The following DPH6 variants were observed in gnomAD, a reference collection of about 807,000 sequenced individuals.
DPH6 encodes the protein diphthamine biosynthesis 6.
In DPH6, 33 loss-of-function variants were observed where a neutral mutation model predicts 38.2. The observed-to-expected ratio is 0.86, with a 90% CI of 0.65 to 1.15. The LOEUF (loss-of-function observed/expected upper bound fraction) is 1.15, where lower values mean the gene tolerates loss of function less well. Ranked by LOEUF, DPH6 falls within the 50% of genes most tolerant of loss-of-function variation. DPH6 has a pLI of 0.00. For synonymous variants in DPH6, 108 were observed against 103.0 expected (o/e 1.05, Z -0.30); for missense variants, 325 against 320.0 (o/e 1.02, Z -0.12).
chr15:35,358,054 G>T (rs2052581647), intron 3 of DPH6, among the ~76,000 whole-genome samples: 1 of 151,878 alleles, frequency 6.6e-6, no homozygotes, highest in Admixed American at 6.6e-5. Context: ...TGTAATCCCA[G>T]GCTTCTTGGA....
At chr15:35,519,836 T>G (rs1391318278) in intron 3 of DPH6, 1 of 152,076 alleles carries the variant, frequency 6.6e-6, no homozygotes, top group Non-Finnish European at 1.5e-5. Context: ...CTACTAAGCC[T>G]GATATAAAGG....
At chr15:35,146,513 A>C in the DPH6 span, among the ~76,000 whole-genome samples, 1 of 152,182 alleles carries the variant, frequency 6.6e-6, no homozygotes, top group Non-Finnish European at 1.5e-5. Context: ...AGGGAGAAGA[A>C]AATTGATATG....
intron 6 of DPH6, among the ~76,000 whole-genome samples, chr15:35,386,791 T>C (rs2052966343): frequency 6.6e-6 from 1 of 152,232 alleles, no homozygotes; most frequent in Non-Finnish European, 1.5e-5. Flanking sequence ...TTTTGTAGGT[T>C]GCCTGTTCAC....
Position 35,401,918 on chromosome 15 carries a change from A to C in DPH6, c.567+8917T>G, listed in dbSNP as rs1412542173. 1.2e-5 allele frequency: 5 copies of C among 417,626 alleles called. No homozygotes were observed. The Admixed American group carries it at 1.6e-4, about 14-fold the overall frequency. 25.9% of individuals were successfully genotyped at this position (417,626 alleles called of 1,614,324 possible). A position where few individuals can be genotyped will look rare whatever the true frequency, so the allele number is the denominator to read the frequency against. On this transcript the variant is annotated intron_variant, in intron 6 of 8. Transcript: ENST00000256538. ...GAAGACATGCTTTAGACAAATACTC[A>C]TGTGTATGGGCAAAAGACTCAAGGA...
intron 5 of DPH6, among the ~76,000 whole-genome samples, chr15:35,416,802 A>G (rs544082655): frequency 3.3e-5 from 5 of 152,200 alleles, no homozygotes; most frequent in African/African-American, 1.2e-4. Context: ...CAGACTGTTC[A>G]TAGAATATAT....
At chr15:35,506,435 G>T (rs1295307340) in intron 3 of DPH6, among the ~76,000 whole-genome samples, 1 of 152,092 alleles carries the variant, frequency 6.6e-6, no homozygotes, top group Non-Finnish European at 1.5e-5. Context: ...GATTTCTGGG[G>T]AAGGGAAACA....
the DPH6 span, among the ~76,000 whole-genome samples, chr15:35,184,252 A>G: frequency 6.6e-6 from 1 of 152,234 alleles, no homozygotes; most frequent in African/African-American, 2.4e-5. Flanking sequence ...AGTCTGATAG[A>G]CAGGATGCTT....
chr15:35,195,824 C>T, the DPH6 span, among the ~76,000 whole-genome samples: 2 of 151,862 alleles, frequency 1.3e-5, no homozygotes, highest in Non-Finnish European at 2.9e-5. Flanking sequence ...GCCCTACCTC[C>T]TGGGTGCTGC....
intron 3 of DPH6, among the ~76,000 whole-genome samples, chr15:35,473,679 A>G (rs960405378): frequency 6.6e-6 from 1 of 152,228 alleles, no homozygotes; most frequent in Non-Finnish European, 1.5e-5. Flanking sequence ...TCCACCTAAA[A>G]ACTTATAGAT....
chr15:35,361,053 C>T (rs573266576), intron 3 of DPH6, among the ~76,000 whole-genome samples: 5 of 152,288 alleles, frequency 3.3e-5, no homozygotes, highest in Non-Finnish European at 4.4e-5. Flanking sequence ...CTGATTCCTC[C>T]CATGTGCCCT....
At chr15:35,303,487 T>A (rs1004541340) in intron 3 of DPH6, among the ~76,000 whole-genome samples, 2 of 151,916 alleles carry the variant, frequency 1.3e-5, no homozygotes, top group East Asian at 3.9e-4. Flanking sequence ...TCCTTAAACC[T>A]TTAAAGAAAT....
At chr15:35,158,529 T>C in the DPH6 span, among the ~76,000 whole-genome samples, 1 of 152,080 alleles carries the variant, frequency 6.6e-6, no homozygotes, top group Non-Finnish European at 1.5e-5. Flanking sequence ...ATTATTTCTC[T>C]ACAGCTTATG....
intron 5 of DPH6, among the ~76,000 whole-genome samples, chr15:35,443,423 C>T (rs564995176): frequency 1.3e-5 from 2 of 152,256 alleles, no homozygotes; most frequent in African/African-American, 4.8e-5. Flanking sequence ...TATAATCTTG[C>T]AAGTAATTTC....
At chr15:35,407,135 A>T (rs1480667872) in intron 6 of DPH6, among the ~76,000 whole-genome samples, 1 of 152,048 alleles carries the variant, frequency 6.6e-6, no homozygotes, top group Non-Finnish European at 1.5e-5. Flanking sequence ...AGTGGTATTG[A>T]GAAACTAGAA....
chr15:35,366,253 TG>T (rs2052658266), downstream of DPH6, among the ~76,000 whole-genome samples: 2 of 151,284 alleles, frequency 1.3e-5, no homozygotes, highest in African/African-American at 2.4e-5. Flanking sequence ...TGTGTGTGTG[TG>T]TGTGTGTGTA....
downstream of DPH6, among the ~76,000 whole-genome samples, chr15:35,213,562 T>C (rs1242775328): frequency 1.3e-5 from 2 of 152,122 alleles, no homozygotes; most frequent in Non-Finnish European, 2.9e-5. Flanking sequence ...GAAAAAAAGG[T>C]CTAAGAATAT....
At chr15:35,363,965 T>C (rs537946030) in intron 3 of DPH6, among the ~76,000 whole-genome samples, 3 of 152,164 alleles carry the variant, frequency 2.0e-5, no homozygotes, top group South Asian at 2.1e-4. Flanking sequence ...TAATTCTATG[T>C]AGATTTTAAA....
chr15:35,523,393 T>C (rs1449325473), intron 3 of DPH6, among the ~76,000 whole-genome samples: 1 of 151,832 alleles, frequency 6.6e-6, no homozygotes, highest in Non-Finnish European at 1.5e-5. Context: ...ATCCCACCAA[T>C]AAGAGATTAT....
At chr15:35,396,700 G>C (rs926207999) in intron 6 of DPH6, among the ~76,000 whole-genome samples, 4 of 151,972 alleles carry the variant, frequency 2.6e-5, no homozygotes, top group Admixed American at 2.6e-4. Flanking sequence ...AATAGCCATT[G>C]GATGTCTCAA....
Sources: gnomAD v4.1 joint callset for allele counts (sites outside exome capture counted in the v4.1 genomes callset) on GRCh38, gnomAD v4.1.1 for gene constraint, MANE v1.5 for transcripts, NCBI Gene and HGNC (gene_info 2026-07-23, HGNC 2026-07-21) for gene names.